The following DLGAP2 variants were observed in gnomAD, a reference collection of about 807,000 sequenced individuals.
DLGAP2 encodes DLG associated protein 2.
A neutral mutation model predicts 100.3 loss-of-function variants in DLGAP2; 26 were observed. The observed-to-expected ratio is 0.26, with a 90% confidence interval of 0.19 to 0.36. The LOEUF is 0.36. DLGAP2 is among the 10% of genes least tolerant of loss of function. The probability of loss-of-function intolerance (pLI) is 1.00; values close to 1 mark genes in which losing one functional copy is unlikely to be tolerated. For synonymous variants in DLGAP2, 886 were observed against 630.1 expected, an observed-to-expected ratio of 1.41 and a Z score of -6.08; for missense variants, 1,858 against 1,453.2, an observed-to-expected ratio of 1.28 and a Z score of -4.53.
Position 1,678,413 on chromosome 8 carries a change from A to G in DLGAP2, c.2488A>G (p.Arg830Gly). 6.2e-7 allele frequency: 1 copy of G among 1,613,774 alleles called. No homozygotes were observed. The highest frequency in any genetic ancestry group is 1.3e-5 in the African/African-American group (1 of 75,040). Residue 830 changes from arginine to glycine, a missense_variant, in exon 12 of 15, where the codon AGA becomes GGA. By Grantham distance (125) the Arg-to-Gly change is moderately radical. Coordinates refer to ENST00000637795, the MANE Select transcript of DLGAP2 (RefSeq NM_001346810.2). ...TVRTQGLFSYREDYRTQVDTS... is the reference protein window; with the variant it reads ...TVRTQGLFSYGEDYRTQVDTS... ...ACGGACCCAGGGGCTCTTCAGCTAT[A>G]GAGAAGACTATCGGACCCAAGTGGA...
In DLGAP2 at chr8:1,590,276, C is replaced by T. The variant is rs140527213; in HGVS notation, c.1442+24382C>T. 9.8e-5 allele frequency among the ~76,000 whole-genome samples: 15 copies of T among 152,304 alleles called. No homozygotes were observed. The East Asian group carries it at 1.4e-3, about 14-fold the overall frequency. ...GGGTGAGGATCTCCATGGACCTCTT[C>T]TACAGGGAGACACAGTTCAGGCCGT... On this transcript the variant is annotated intron_variant, in intron 6 of 14. Transcript: ENST00000637795.
chr8:1,493,088 C>A (rs1429971985), intron 3 of DLGAP2, among the ~76,000 whole-genome samples: 1 of 152,204 alleles, frequency 6.6e-6, no homozygotes, highest in Non-Finnish European at 1.5e-5. Flanking sequence ...AGGATCTGGG[C>A]AGGGCACAAG....
At chr8:973,823 C>T (rs1039639219) in intron 2 of DLGAP2, among the ~76,000 whole-genome samples, 26 of 150,962 alleles carry the variant, frequency 1.7e-4, no homozygotes, top group Non-Finnish European at 2.2e-4. Flanking sequence ...CGTGGCCCCG[C>T]GGCGGTCCGG....
chr8:947,941 A>G (rs1303412550), intron 2 of DLGAP2, among the ~76,000 whole-genome samples: 1 of 99,138 alleles, frequency 1.0e-5, no homozygotes, highest in African/African-American at 3.8e-5. Flanking sequence ...CATGGGTTCC[A>G]CCGACCCCGT....
At chr8:1,248,971 C>T (rs1040962664) in intron 2 of DLGAP2, among the ~76,000 whole-genome samples, 2 of 152,144 alleles carry the variant, frequency 1.3e-5, no homozygotes, top group Admixed American at 6.5e-5. Context: ...AGGCTGAGCT[C>T]AGCCACAATG....
chr8:1,068,131 T>G (rs1356505103), intron 2 of DLGAP2, among the ~76,000 whole-genome samples: 1 of 152,214 alleles, frequency 6.6e-6, no homozygotes, highest in Non-Finnish European at 1.5e-5. Context: ...TTTTCCTGGC[T>G]TAGCTGCTTA....
At chr8:1,693,438 T>C (rs1007680831) in intron 13 of DLGAP2, among the ~76,000 whole-genome samples, 4 of 152,036 alleles carry the variant, frequency 2.6e-5, no homozygotes, top group African/African-American at 9.7e-5. Flanking sequence ...TGAGAAATAG[T>C]AAATAATAGT....
intron 7 of DLGAP2, among the ~76,000 whole-genome samples, chr8:1,631,466 G>T (rs1585014899): frequency 6.6e-6 from 1 of 152,216 alleles, no homozygotes; most frequent in Non-Finnish European, 1.5e-5. Context: ...GAAATTTATG[G>T]TCCAGAAAAA....
At chr8:1,037,406 C>G (rs1324074717) in intron 2 of DLGAP2, among the ~76,000 whole-genome samples, 2 of 152,154 alleles carry the variant, frequency 1.3e-5, no homozygotes, top group Non-Finnish European at 2.9e-5. Flanking sequence ...ATCATTGACT[C>G]AGACTGTGAA....
intron 1 of DLGAP2, among the ~76,000 whole-genome samples, chr8:748,717 C>T (rs1445654889): frequency 6.6e-6 from 1 of 152,198 alleles, no homozygotes; most frequent in Non-Finnish European, 1.5e-5. Flanking sequence ...TCTGCACTGC[C>T]CATCAGCACC....
chr8:784,282 C>G (rs561504829), intron 1 of DLGAP2, among the ~76,000 whole-genome samples: 2 of 152,298 alleles, frequency 1.3e-5, no homozygotes, highest in African/African-American at 2.4e-5. Context: ...GTTTTATCAT[C>G]TAGAATCTTT....
chr8:1,491,341 G>GGAGGCTTCGGGCCGCTCCCCTTGACCCCA (rs1799379663), intron 3 of DLGAP2, among the ~76,000 whole-genome samples: 1 of 147,760 alleles, frequency 6.8e-6, no homozygotes, highest in African/African-American at 2.5e-5. Context: ...TCCTGACCCC[G>GGAGGCTTCGGGCCGCTCCCCTTGACCCCA]GAGGCTTCGG....
chr8:1,490,193 T>A (rs2896919), intron 3 of DLGAP2, among the ~76,000 whole-genome samples: 91,063 of 152,022 alleles, frequency 0.6, 27,668 homozygotes, highest in Admixed American at 0.68. Flanking sequence ...CCCGGCTTCA[T>A]TTTTTTTGAA....
rs115436420 is a variant in DLGAP2, at chr8:903,495, C to G, written c.19-4417C>G. The stretch of plus-strand genomic sequence containing the variant: ...ATGGCTTGTGTAGAGCTAGTAACGA[C>G]GGTCACCATCTCAGAATACAGCAGC... On this transcript the variant is annotated intron_variant, in intron 1 of 14. Coordinates refer to ENST00000637795, the MANE Select transcript of DLGAP2 (RefSeq NM_001346810.2). 4.5e-3 allele frequency among the ~76,000 whole-genome samples: 684 copies of G among 151,882 alleles called. 3 individuals are homozygous for G. Among genetic ancestry groups the G allele is most frequent in the African/African-American group, 0.015 (637 of 41,384 alleles).
intron 3 of DLGAP2, among the ~76,000 whole-genome samples, chr8:1,371,470 C>T: frequency 6.6e-6 from 1 of 152,152 alleles, no homozygotes; most frequent in South Asian, 2.1e-4. Context: ...GGTGCTCTGC[C>T]CAGCGCGTTG....
Position 1,097,793 on chromosome 8 carries a change from G to A in DLGAP2, c.74-161058G>A, listed in dbSNP as rs186874962. Among the ~76,000 whole-genome samples the A allele has an allele frequency of 4.8e-3, 663 of 137,902 alleles. 39 individuals carry two copies. Among genetic ancestry groups the A allele is most frequent in the African/African-American group, 0.017 (605 of 35,264 alleles). The allele number at this position is 137,902 out of a possible 152,430, so 90.5% of individuals were successfully genotyped here. A position where few individuals can be genotyped will look rare whatever the true frequency, so the allele number is the denominator to read the frequency against. Reference sequence around the variant, plus strand: ...GTGGCATGGAGAGGACCCCTCCAGCGTGAGACCCACCTCCCTCTGCTCAGG... The same window carrying A: ...GTGGCATGGAGAGGACCCCTCCAGCATGAGACCCACCTCCCTCTGCTCAGG... On this transcript the variant is annotated intron_variant, in intron 2 of 14. Coordinates refer to ENST00000637795, the MANE Select transcript of DLGAP2 (RefSeq NM_001346810.2).
At chr8:1,412,662 G>C (rs1796766033) in intron 3 of DLGAP2, among the ~76,000 whole-genome samples, 1 of 152,184 alleles carries the variant, frequency 6.6e-6, no homozygotes, top group African/African-American at 2.4e-5. Context: ...AAGATCACAG[G>C]CTCTTTGTGA....
chr8:1,102,702 G>T (rs1418789615), intron 2 of DLGAP2, among the ~76,000 whole-genome samples: 1 of 152,154 alleles, frequency 6.6e-6, no homozygotes, highest in Non-Finnish European at 1.5e-5. Flanking sequence ...TCGTGCGTGG[G>T]GGGATTTAGG....
chr8:1,613,305 C>G (rs1397480496), intron 6 of DLGAP2, among the ~76,000 whole-genome samples: 1 of 149,184 alleles, frequency 6.7e-6, no homozygotes, highest in African/African-American at 2.5e-5. Context: ...AAAAACCAAA[C>G]ACCGCATATT....
Sources: allele counts gnomAD v4.1 joint callset (sites outside exome capture counted in the v4.1 genomes callset), GRCh38; gene constraint gnomAD v4.1.1; transcripts MANE v1.5; gene names NCBI Gene and HGNC (gene_info 2026-07-23, HGNC 2026-07-21).